The following SYNPR variants were observed in gnomAD, a reference collection of about 807,000 sequenced individuals.
SYNPR encodes synaptoporin.
A neutral mutation model predicts 32.9 loss-of-function variants in SYNPR; 23 were observed. That is an observed-to-expected ratio of 0.70 (90% CI 0.50 to 0.99). The LOEUF is 0.99. Among genes scored for constraint, SYNPR ranks in the 50% least tolerant of loss-of-function variants. SYNPR has a pLI of 0.00. For synonymous variants in SYNPR, 146 were observed against 135.9 expected (o/e 1.07, Z -0.52); for missense variants, 318 against 349.3 (o/e 0.91, Z 0.71).
At chr3:63,411,481 A>T (rs1054293894) in intron 2 of SYNPR, among the ~76,000 whole-genome samples, 1 of 152,190 alleles carries the variant, frequency 6.6e-6, no homozygotes, top group African/African-American at 2.4e-5. Context: ...GGCTGATCAT[A>T]CCAATGGACA....
intron 2 of SYNPR, among the ~76,000 whole-genome samples, chr3:63,288,319 G>A (rs1346568225): frequency 6.6e-6 from 1 of 152,206 alleles, no homozygotes; most frequent in African/African-American, 2.4e-5. Flanking sequence ...AAGTCATTAA[G>A]AGGACAGACC....
chr3:63,498,721 T>C (rs1266289788), intron 3 of SYNPR, among the ~76,000 whole-genome samples: 2 of 152,100 alleles, frequency 1.3e-5, no homozygotes, highest in Non-Finnish European at 2.9e-5. Flanking sequence ...CAGAGTGTGA[T>C]GCAGTGAGGC....
chr3:63,467,164 C>T (rs1700699151), intron 2 of SYNPR, among the ~76,000 whole-genome samples: 1 of 152,092 alleles, frequency 6.6e-6, no homozygotes, highest in Non-Finnish European at 1.5e-5. Context: ...GCGCATGCCA[C>T]CCAGCTGAGC....
chr3:63,224,802 A>G (rs1028564156), upstream of SYNPR, among the ~76,000 whole-genome samples: 1 of 152,194 alleles, frequency 6.6e-6, no homozygotes, highest in Non-Finnish European at 1.5e-5. Context: ...TGCCCTCCTC[A>G]GGCTATGCCT....
chr3:63,278,717 T>C lies in SYNPR; in HGVS notation c.59T>C (p.Leu20Pro). 6.4e-7 allele frequency: 1 copy of C among 1,551,650 alleles called. No individual in the cohort carries two copies. Among genetic ancestry groups the C allele is most frequent in the Non-Finnish European group, 8.7e-7 (1 of 1,146,972 alleles). ...AGTFRVLKEP[L>P]AFLRALELLF... ...ACCTTCCGGGTGCTGAAGGAGCCCC[T>C]TGCCTTCCTGCGAGCCCTGGAATTG... Residue 20 changes from leucine (L) to proline (P), a missense_variant, in exon 2 of 6, where the codon CTT (leucine) becomes CCT (proline). Coordinates refer to ENST00000478300, the MANE Select transcript of SYNPR (RefSeq NM_001130003.2).
rs190349981 is a variant in SYNPR at position 63,265,327 on chromosome 3, A to G, written n.155-1990A>G. 1.0e-3 allele frequency among the ~76,000 whole-genome samples: 146 copies of G among 145,560 alleles called. No homozygotes were observed. In the East Asian group the frequency reaches 0.011, roughly 11 times the overall value. The stretch of plus-strand genomic sequence containing the variant: ...AGTGCAGTGGCACAATCTTGGCTCA[A>G]TGCAAACTCCGCCTCCCAGGCTCAA... On this transcript the variant is annotated intron_variant and non_coding_transcript_variant, in intron 2 of 4. Coordinates refer to the SYNPR transcript ENST00000478456.
At chr3:63,248,803 G>A (rs893146801) in intron 1 of SYNPR, among the ~76,000 whole-genome samples, 1 of 152,130 alleles carries the variant, frequency 6.6e-6, no homozygotes, top group Non-Finnish European at 1.5e-5. Context: ...CACTGATTAC[G>A]TTAGCTGTCT....
At chr3:63,584,936 C>T (rs1393885025) in intron 4 of SYNPR, among the ~76,000 whole-genome samples, 2 of 152,082 alleles carry the variant, frequency 1.3e-5, no homozygotes, top group Non-Finnish European at 1.5e-5. Flanking sequence ...CTCTCAGACC[C>T]TCTTCCAGAC....
chr3:63,454,131 A>T (rs1345737744), intron 2 of SYNPR, among the ~76,000 whole-genome samples: 1 of 152,098 alleles, frequency 6.6e-6, no homozygotes, highest in Non-Finnish European at 1.5e-5. Flanking sequence ...GTTATATGCT[A>T]TATGGAGGGG....
At position 63,297,283 on chromosome 3, in the gene SYNPR, A is replaced by G. The variant is rs534733501; in HGVS notation, c.84+18541A>G. 1.1e-4 allele frequency among the ~76,000 whole-genome samples: 16 copies of G among 152,230 alleles called. 1 individual carries two copies. The highest frequency in any genetic ancestry group is 3.9e-4 in the African/African-American group (16 of 41,534). On this transcript the variant is annotated intron_variant, in intron 2 of 5. Transcript: ENST00000478300. ...AAGGCAACTTCTAGAAATTTATAAG[A>G]CCCTGTATTTTCCAGACTTTGCCAG...
chr3:63,377,524 T>C (rs2087910023), intron 2 of SYNPR, among the ~76,000 whole-genome samples: 1 of 151,918 alleles, frequency 6.6e-6, no homozygotes, highest in Admixed American at 6.6e-5. Flanking sequence ...TGGAATCCCA[T>C]ACTTTGAGTT....
chr3:63,300,954 A>G (rs771869819), intron 2 of SYNPR, among the ~76,000 whole-genome samples: 3 of 151,882 alleles, frequency 2.0e-5, no homozygotes, highest in Non-Finnish European at 4.4e-5. Context: ...AATTAACCCT[A>G]TTTTCTAAAA....
At chr3:63,211,282 G>A in the SYNPR span, among the ~76,000 whole-genome samples, 1 of 152,128 alleles carries the variant, frequency 6.6e-6, no homozygotes, top group African/African-American at 2.4e-5. Flanking sequence ...GGCCAGGCTG[G>A]TCTTGAACTC....
At chr3:63,611,106 T>C (rs1374408047) in intron 5 of SYNPR, among the ~76,000 whole-genome samples, 1 of 152,202 alleles carries the variant, frequency 6.6e-6, no homozygotes, top group East Asian at 1.9e-4. Context: ...CCAATGTTTG[T>C]ATGCATTAGA....
At chr3:63,431,614 A>G (rs1282040982) in intron 2 of SYNPR, among the ~76,000 whole-genome samples, 1 of 152,178 alleles carries the variant, frequency 6.6e-6, no homozygotes, top group East Asian at 1.9e-4. Context: ...GAAGCAAAGC[A>G]TTCTATGTGG....
intron 2 of SYNPR, chr3:63,443,519 T>G: frequency 6.3e-7 from 1 of 1,579,908 alleles, no homozygotes; most frequent in South Asian, 1.1e-5. Context: ...GATATGTGTG[T>G]GCATGTATGT....
At chr3:63,319,465 A>G (rs1174743162) in intron 2 of SYNPR, among the ~76,000 whole-genome samples, 2 of 152,046 alleles carry the variant, frequency 1.3e-5, no homozygotes, top group African/African-American at 4.8e-5. Context: ...GGATTTCTAC[A>G]TGCTAACAGC....
In SYNPR at chr3:63,615,230, G is replaced by T; in HGVS notation, c.607G>T (p.Gly203Ter). 6.2e-7 allele frequency: 1 copy of T among 1,613,244 alleles called. No individual in the cohort carries two copies. Among genetic ancestry groups the T allele is most frequent in the African/African-American group, 1.3e-5 (1 of 74,978 alleles). ...MSSLNTSVVF[G>*]FLNFILWAGN... The stretch of plus-strand genomic sequence containing the variant: ...GGCTTTGATTCTCCTTCAGGTCTTT[G>T]GATTCTTGAACTTTATTCTCTGGGC... The change falls in exon 6 of 6, where the codon GGA (glycine) becomes TGA (stop). Residue 203 changes from glycine (G) to a stop codon, truncating the protein, a stop_gained. Transcript: ENST00000478300. LOFTEE classifies it high-confidence loss of function.
intron 2 of SYNPR, among the ~76,000 whole-genome samples, chr3:63,374,031 T>C (rs1176454503): frequency 1.3e-5 from 2 of 152,166 alleles, no homozygotes; most frequent in East Asian, 3.9e-4. Flanking sequence ...AAGCAAATGC[T>C]GAGGGAATTT....
Sources: allele counts gnomAD v4.1 joint callset (sites outside exome capture counted in the v4.1 genomes callset), GRCh38; gene constraint gnomAD v4.1.1; transcripts MANE v1.5; gene names NCBI Gene and HGNC (gene_info 2026-07-23, HGNC 2026-07-21).